The following ASIC2 variants were observed in gnomAD, a reference collection of about 807,000 sequenced individuals.
ASIC2 encodes the protein acid-sensing ion channel 2.
Under a neutral mutation model 57.3 loss-of-function variants are expected in ASIC2, and 25 were observed. The observed-to-expected ratio is 0.44, with a 90% confidence interval of 0.32 to 0.61. ASIC2 has a LOEUF of 0.61. Among genes scored for constraint, ASIC2 ranks in the 20% least tolerant of loss-of-function variants. ASIC2 has a pLI of 0.06. For missense variants in ASIC2, 641 were observed against 738.1 expected (o/e 0.87, Z 1.52); for synonymous variants, 319 against 307.5 (o/e 1.04, Z -0.39).
intron 1 of ASIC2, among the ~76,000 whole-genome samples, chr17:33,747,503 G>A (rs571582268): frequency 8.5e-5 from 13 of 152,212 alleles, no homozygotes; most frequent in Admixed American, 1.3e-4. Context: ...GATGGCAGGC[G>A]TACTCCATTG....
chr17:33,708,840 C>T (rs1329132583), intron 1 of ASIC2, among the ~76,000 whole-genome samples: 1 of 152,158 alleles, frequency 6.6e-6, no homozygotes, highest in Admixed American at 6.5e-5. Context: ...AACTCTGACT[C>T]CCTTCCTCGC....
intron 1 of ASIC2, among the ~76,000 whole-genome samples, chr17:33,161,060 A>C (rs1172033661): frequency 6.6e-6 from 1 of 152,220 alleles, no homozygotes; most frequent in South Asian, 2.1e-4. Flanking sequence ...ACAAGCTTAG[A>C]ATACAATCAC....
At position 33,400,038 on chromosome 17, in the gene ASIC2, T is replaced by C. The variant is rs551529766; in HGVS notation, c.556-287971A>G. Among the ~76,000 whole-genome samples, 175 of 152,372 alleles carry C rather than the reference T, an allele frequency of 1.1e-3. 3 individuals carry two copies. Among genetic ancestry groups the C allele is most frequent in the African/African-American group, 4.1e-3 (171 of 41,594 alleles). ...CCTGTCTGCACAGGTCTGGGCCAGA[T>C]GTCTGTTCTGGACCATACATTATTA... On this transcript the variant is annotated intron_variant, in intron 1 of 9. Transcript: ENST00000359872.
intron 1 of ASIC2, among the ~76,000 whole-genome samples, chr17:33,906,869 A>G (rs752389302): frequency 2.0e-5 from 3 of 152,178 alleles, no homozygotes; most frequent in Non-Finnish European, 2.9e-5. Flanking sequence ...TTCTCTGGCT[A>G]CAAGTCTTGA....
intron 1 of ASIC2, among the ~76,000 whole-genome samples, chr17:33,784,323 C>G (rs762657911): frequency 7.2e-5 from 11 of 152,188 alleles, no homozygotes; most frequent in South Asian, 6.2e-4. Flanking sequence ...AACTCTTAAA[C>G]TTACTGAAAT....
At chr17:33,177,023 C>T (rs1030325596) in intron 1 of ASIC2, among the ~76,000 whole-genome samples, 1 of 152,160 alleles carries the variant, frequency 6.6e-6, no homozygotes, top group Non-Finnish European at 1.5e-5. Flanking sequence ...GCATGGGTGG[C>T]TGGGGACAAC....
At chr17:33,397,317 C>A (rs918556617) in intron 1 of ASIC2, among the ~76,000 whole-genome samples, 2 of 152,248 alleles carry the variant, frequency 1.3e-5, no homozygotes, top group East Asian at 3.9e-4. Flanking sequence ...TTTGCATGAC[C>A]CTGTCAAAGC....
intron 1 of ASIC2, among the ~76,000 whole-genome samples, chr17:33,518,626 C>T (rs191340257): frequency 2.3e-4 from 35 of 152,336 alleles, no homozygotes; most frequent in Admixed American, 2.1e-3. Context: ...TTTTAAAAAA[C>T]AATAGCACCT....
intron 1 of ASIC2, among the ~76,000 whole-genome samples, chr17:33,816,191 G>A (rs1485267363): frequency 3.3e-5 from 5 of 151,828 alleles, no homozygotes; most frequent in Non-Finnish European, 5.9e-5. Flanking sequence ...GTGGGGTAGA[G>A]AAAGTTTCAG....
intron 1 of ASIC2, among the ~76,000 whole-genome samples, chr17:34,084,553 AAGTAGT>A (rs1465019888): frequency 6.6e-6 from 1 of 152,156 alleles, no homozygotes; most frequent in Non-Finnish European, 1.5e-5. Context: ...ATGAACTTTA[AAGTAGT>A]TTTTTCCAAT....
chr17:33,436,830 T>G (rs1911626567), intron 1 of ASIC2, among the ~76,000 whole-genome samples: 3 of 147,044 alleles, frequency 2.0e-5, no homozygotes, highest in Non-Finnish European at 4.5e-5. Flanking sequence ...GAACATGCAA[T>G]GCCTTAAAAC....
chr17:33,986,543 G>A (rs909267551), intron 1 of ASIC2, among the ~76,000 whole-genome samples: 16 of 152,152 alleles, frequency 1.1e-4, no homozygotes, highest in Admixed American at 9.2e-4. Context: ...ATCCCAAAGT[G>A]ATGAATTCCA....
chr17:33,760,015 G>T (rs1158094207), intron 1 of ASIC2, among the ~76,000 whole-genome samples: 5 of 152,140 alleles, frequency 3.3e-5, no homozygotes, highest in Non-Finnish European at 7.4e-5. Flanking sequence ...AGAACTCTAA[G>T]AAAGAAATTT....
intron 1 of ASIC2, among the ~76,000 whole-genome samples, chr17:33,117,965 A>G (rs1240131204): frequency 6.6e-6 from 1 of 152,196 alleles, no homozygotes; most frequent in African/African-American, 2.4e-5. Flanking sequence ...AAACAGCCAC[A>G]TGCCCCTGCT....
intron 1 of ASIC2, among the ~76,000 whole-genome samples, chr17:33,757,594 A>C (rs766639392): frequency 1.3e-4 from 20 of 152,230 alleles, no homozygotes; most frequent in Non-Finnish European, 2.5e-4. Context: ...CATAGCTCTC[A>C]GCTGACCCCA....
chr17:33,423,421 A>G (rs897011770), intron 1 of ASIC2, among the ~76,000 whole-genome samples: 1 of 152,216 alleles, frequency 6.6e-6, no homozygotes, highest in Non-Finnish European at 1.5e-5. Context: ...CATGTAAATA[A>G]TGTGTATTTC....
intron 1 of ASIC2, among the ~76,000 whole-genome samples, chr17:33,510,599 T>C (rs1244217453): frequency 6.6e-6 from 1 of 152,086 alleles, no homozygotes; most frequent in Non-Finnish European, 1.5e-5. Context: ...GCCACTGCAC[T>C]CCAGCCTGGG....
chr17:33,700,709 G>A (rs990513938), intron 1 of ASIC2, among the ~76,000 whole-genome samples: 5 of 152,192 alleles, frequency 3.3e-5, no homozygotes, highest in African/African-American at 4.8e-5. Context: ...TTTCATGGAG[G>A]AAGGGAAAAC....
intron 1 of ASIC2, among the ~76,000 whole-genome samples, chr17:33,278,333 G>T (rs563140714): frequency 6.6e-6 from 1 of 151,852 alleles, no homozygotes; most frequent in Non-Finnish European, 1.5e-5. Context: ...AATCACCTGG[G>T]GGTGTCTGTT....
Sources: allele counts gnomAD v4.1 joint callset (sites outside exome capture counted in the v4.1 genomes callset), GRCh38; gene constraint gnomAD v4.1.1; transcripts MANE v1.5; gene names NCBI Gene and HGNC (gene_info 2026-07-23, HGNC 2026-07-21).